The following SLC12A7 variants were observed in gnomAD, a reference collection of about 807,000 sequenced individuals.
SLC12A7 encodes solute carrier family 12 member 7.
Under a neutral mutation model 120.6 loss-of-function variants are expected in SLC12A7, and 100 were observed. The observed-to-expected ratio is 0.83, with a 90% CI of 0.71 to 0.98. The LOEUF is 0.98. Ranked by LOEUF, SLC12A7 falls within the 50% of genes least tolerant of loss-of-function variation. The pLI is 0.00. For synonymous variants in SLC12A7, 760 were observed against 678.0 expected (o/e 1.12, Z -1.88); for missense variants, 1,373 against 1,548.1 (o/e 0.89, Z 1.90).
intron 15 of SLC12A7, 149 bp downstream of exon 15, chr5:1,075,221 GC>G: frequency 8.8e-7 from 1 of 1,141,334 alleles, no homozygotes; most frequent in Non-Finnish European, 1.2e-6. Flanking sequence ...TCACAACACA[GC>G]CCACCTGGAC....
intron 4 of SLC12A7, among the ~76,000 whole-genome samples, chr5:1,088,590 C>G (rs1445837444): frequency 6.6e-6 from 1 of 152,180 alleles, no homozygotes; most frequent in Non-Finnish European, 1.5e-5. Context: ...CCTGAAAGTG[C>G]CCAAGGTCCT....
At chr5:1,134,952 C>A in the SLC12A7 span, among the ~76,000 whole-genome samples, 7 of 152,130 alleles carry the variant, frequency 4.6e-5, no homozygotes, top group African/African-American at 7.2e-5. Flanking sequence ...CATGGTGAAA[C>A]CCCGTCTCTA....
chr5:1,078,111 G>A (rs959830967), intron 11 of SLC12A7, 104 bp from the exon 12 acceptor site: 41 of 1,349,952 alleles, frequency 3.0e-5, no homozygotes, highest in South Asian at 4.4e-5. Context: ...CAGTGGGGGC[G>A]ACTCCTTGGA....
At chr5:1,086,315 A>G (rs1739853722) in intron 6 of SLC12A7, among the ~76,000 whole-genome samples, 1 of 152,204 alleles carries the variant, frequency 6.6e-6, no homozygotes, top group Admixed American at 6.5e-5. Context: ...CTGCAGGGAC[A>G]GCGGGTTTCA....
chr5:1,122,989 G>A, the SLC12A7 span, among the ~76,000 whole-genome samples: 1 of 152,252 alleles, frequency 6.6e-6, no homozygotes, highest in African/African-American at 2.4e-5. Flanking sequence ...TGGGGGCGCG[G>A]GGCCTGACCT....
the SLC12A7 span, among the ~76,000 whole-genome samples, chr5:1,134,859 C>T: frequency 6.6e-6 from 1 of 152,252 alleles, no homozygotes; most frequent in Non-Finnish European, 1.5e-5. Context: ...CACGGCCAGG[C>T]GCGGTGGCTC....
intron 5 of SLC12A7, 111 bp downstream of exon 5, chr5:1,088,195 C>T: frequency 9.3e-7 from 1 of 1,080,368 alleles, no homozygotes; most frequent in South Asian, 1.5e-5. Flanking sequence ...GCTGAGACCC[C>T]CAGGCAGCCC....
rs1360770745 is a variant in SLC12A7, at chr5:1,050,626, A to G, written c.*1734T>C. 8.0e-6 allele frequency: 3 copies of G among 376,948 alleles called. No homozygotes were observed. The highest frequency in any genetic ancestry group is 6.6e-4 in the Middle Eastern group (1 of 1,522). The allele number at this position is 376,948 out of a possible 1,614,324, so 23.4% of individuals were successfully genotyped here. On this transcript the variant is annotated 3_prime_UTR_variant, in exon 24 of 24. Transcript: ENST00000264930. ...AAGCAGGGCTGTTTTCCAGCCACCA[A>G]CCAACGTTCAGAGCCAGCACCATGT...
chr5:1,054,573 C>T (rs575817566), intron 22 of SLC12A7, among the ~76,000 whole-genome samples: 191 of 152,336 alleles, frequency 1.3e-3, no homozygotes, highest in Non-Finnish European at 2.1e-3. Context: ...ACTTGAAAGT[C>T]GGAGCGGGTC....
chr5:1,083,480 G>A (rs1240480472), intron 8 of SLC12A7, among the ~76,000 whole-genome samples: 11 of 152,220 alleles, frequency 7.2e-5, no homozygotes, highest in Admixed American at 7.2e-4. Context: ...CTGCCAGGAG[G>A]TCATGAAAAT....
intron 5 of SLC12A7, among the ~76,000 whole-genome samples, chr5:1,087,774 G>A (rs536975434): frequency 6.6e-6 from 1 of 152,338 alleles, no homozygotes; most frequent in African/African-American, 2.4e-5. Flanking sequence ...CCGTTCACTA[G>A]TTATTTCGTA....
chr5:1,124,394 AG>A, the SLC12A7 span, among the ~76,000 whole-genome samples: 1 of 152,274 alleles, frequency 6.6e-6, no homozygotes, highest in African/African-American at 2.4e-5. Flanking sequence ...CACAGAGGAC[AG>A]AAGACCATGG....
rs367548007 is a variant in SLC12A7, at chr5:1,074,579, G to A, written c.2060C>T (p.Thr687Ile). Residue 687 changes from threonine (T) to isoleucine (I), a missense_variant, in exon 16 of 24, where the codon ACC becomes ATC. Physicochemically the swap from Thr to Ile is moderately conservative, Grantham distance 89. Transcript: ENST00000264930. ...LLRVEHGPPH[T>I]KNWRPQVLVM... ...GGGCGGTGCTCACCTCCAGTTCTTG[G>A]TGTGGGGGGGACCGTGCTCCACGCG... 3.3e-5 allele frequency: 53 copies of A among 1,612,308 alleles called. No individual in the cohort carries two copies. The highest frequency in any genetic ancestry group is 4.5e-5 in the Non-Finnish European group (53 of 1,179,624).
intron 23 of SLC12A7, among the ~76,000 whole-genome samples, 172 bp downstream of exon 23, chr5:1,053,177 G>A (rs1028340324): frequency 2.6e-5 from 4 of 152,174 alleles, no homozygotes; most frequent in Non-Finnish European, 5.9e-5. Context: ...ACTCTGGCCC[G>A]GTCACCACTG....
intron 9 of SLC12A7, 56 bp from the exon 10 acceptor site, chr5:1,079,552 G>A (rs1289544640): frequency 2.8e-6 from 4 of 1,405,202 alleles, no homozygotes; most frequent in Non-Finnish European, 4.0e-6. Context: ...GCCATGTGAT[G>A]GCAGCCCCTG....
chr5:1,065,663 G>A (rs918282772), intron 17 of SLC12A7, among the ~76,000 whole-genome samples, 185 bp from the exon 18 acceptor site: 1 of 152,160 alleles, frequency 6.6e-6, no homozygotes, highest in Non-Finnish European at 1.5e-5. Flanking sequence ...GTATGTGCGT[G>A]CTCACACACT....
the SLC12A7 span, among the ~76,000 whole-genome samples, chr5:1,151,142 G>A: frequency 3.3e-5 from 5 of 152,188 alleles, no homozygotes; most frequent in African/African-American, 1.2e-4. The surrounding 1 kb of genome is among the most constrained non-coding windows in gnomAD (Gnocchi z 6.2). Context: ...CCAGATCCCC[G>A]GGATCCCAGC....
chr5:1,101,692 A>G (rs181920193), intron 1 of SLC12A7, among the ~76,000 whole-genome samples: 2 of 152,278 alleles, frequency 1.3e-5, no homozygotes, highest in East Asian at 3.9e-4. Flanking sequence ...GTGCAGCCCT[A>G]TGGGTGCTAG....
chr5:1,078,823 T>TGGGGGG, intron 10 of SLC12A7, 65 bp from the exon 11 acceptor site: 1 of 36,012 alleles, frequency 2.8e-5, no homozygotes, highest in Non-Finnish European at 4.8e-5. Context: ...GGGGGTGGGG[T>TGGGGGG]GGGGTGGGGT....
Sources: allele counts gnomAD v4.1 joint callset (sites outside exome capture counted in the v4.1 genomes callset), GRCh38; gene constraint gnomAD v4.1.1; non-coding constraint Gnocchi (gnomAD v3.1); transcripts MANE v1.5; gene names NCBI Gene and HGNC (gene_info 2026-07-23, HGNC 2026-07-21).